MOB3B: variants seen among roughly 807,000 people sequenced by gnomAD.
MOB3B encodes the protein MOB kinase activator 3B.
A neutral mutation model predicts 18.7 loss-of-function variants in MOB3B; 7 were observed. The observed-to-expected ratio is 0.37, with a 90% CI of 0.21 to 0.70. The LOEUF (loss-of-function observed/expected upper bound fraction) is 0.70, where lower values mean the gene tolerates loss of function less well. MOB3B is among the 30% of genes least tolerant of loss of function. The pLI, the probability that MOB3B is intolerant of heterozygous loss-of-function variation, is 0.52. For missense variants in MOB3B, 253 were observed against 281.3 expected (o/e 0.90, Z 0.72); for synonymous variants, 111 against 99.9 (o/e 1.11, Z -0.66).
intron 1 of MOB3B, among the ~76,000 whole-genome samples, chr9:27,485,272 C>G (rs1049843803): frequency 3.9e-5 from 6 of 152,088 alleles, no homozygotes; most frequent in Non-Finnish European, 8.8e-5. Flanking sequence ...AGTAACTTAC[C>G]CAACAACAAC....
chr9:27,443,135 G>A (rs1822620550), intron 2 of MOB3B, among the ~76,000 whole-genome samples: 1 of 152,078 alleles, frequency 6.6e-6, no homozygotes, highest in African/African-American at 2.4e-5. Context: ...TTTCTAATAA[G>A]TTCCCAAGGG....
chr9:27,410,946 A>C (rs769909405), intron 2 of MOB3B, among the ~76,000 whole-genome samples: 1 of 152,160 alleles, frequency 6.6e-6, no homozygotes. Context: ...TTCTTTGAAA[A>C]CATGATTTTT....
At position 27,331,468 on chromosome 9, in the gene MOB3B, C is replaced by CTG. The variant is rs150050415; in HGVS notation, c.622-854_622-853dup. ...ATGCAGTGTATGAATTTGTACATCT[C>CTG]TGTGTGTGTGTGTGTGTACTGGGGC... On this transcript the variant is annotated intron_variant, in intron 3 of 3. Transcript: ENST00000262244. Among the ~76,000 whole-genome samples, 1,346 of 151,676 alleles carry CTG rather than the reference C, an allele frequency of 8.9e-3. 19 individuals carry two copies. The highest frequency in any genetic ancestry group is 0.03 in the African/African-American group (1,256 of 41,332).
intron 2 of MOB3B, among the ~76,000 whole-genome samples, chr9:27,436,062 C>G (rs1792151612): frequency 6.6e-6 from 1 of 152,150 alleles, no homozygotes; most frequent in Non-Finnish European, 1.5e-5. Flanking sequence ...AGCTGTTGTT[C>G]TACCCCGCTA....
chr9:27,522,420 CATATATAT>C lies in MOB3B; in HGVS notation c.-199+7127_-199+7134del, dbSNP rs66472709. Among the ~76,000 whole-genome samples the C allele has an allele frequency of 1.3e-3, 179 of 141,362 alleles. 1 individual carries two copies. The highest frequency in any genetic ancestry group is 3.9e-3 in the African/African-American group (148 of 37,602). The allele number at this position is 141,362 out of a possible 152,430, so 92.7% of individuals were successfully genotyped here. ...TTGCATATATATCAAGACATTTTTTCATATATATATATATATATATATATATGCATATG... is the reference window on the plus strand; with the variant it reads ...TTGCATATATATCAAGACATTTTTTCATATATATATATATATATGCATATG... On this transcript the variant is annotated intron_variant, in intron 1 of 3. Coordinates refer to ENST00000262244, the MANE Select transcript of MOB3B (RefSeq NM_024761.5).
chr9:27,481,237 A>G (rs1013544763), intron 1 of MOB3B, among the ~76,000 whole-genome samples: 1 of 152,208 alleles, frequency 6.6e-6, no homozygotes, highest in East Asian at 1.9e-4. Context: ...AGCACAAAAG[A>G]CTCCAGCAGA....
chr9:27,394,350 A>G (rs1821770861), intron 2 of MOB3B: 1 of 152,216 alleles, frequency 6.6e-6, no homozygotes, highest in Admixed American at 6.5e-5. Flanking sequence ...AAGAGCTAAT[A>G]AAACATGTCA....
rs1400710590 is a variant in MOB3B, at chr9:27,330,576, G to A, written c.*11C>T. The stretch of plus-strand genomic sequence containing the variant: ...ACAGCTTTCCTTTCTTCCAAAGGGT[G>A]AGGTGGAGCATTAGTGACACATCCT... On this transcript the variant is annotated 3_prime_UTR_variant, in exon 4 of 4. Coordinates refer to ENST00000262244, the MANE Select transcript of MOB3B (RefSeq NM_024761.5). 5 of 1,613,818 alleles carry A rather than the reference G, an allele frequency of 3.1e-6. No homozygotes were observed. The African/African-American group carries it at 6.7e-5, about 22-fold the overall frequency.
At chr9:27,395,638 A>G (rs888221234) in intron 2 of MOB3B, among the ~76,000 whole-genome samples, 2 of 152,204 alleles carry the variant, frequency 1.3e-5, no homozygotes, top group Non-Finnish European at 2.9e-5. Context: ...TCAGTGATCT[A>G]GTCAATAACA....
intron 1 of MOB3B, among the ~76,000 whole-genome samples, chr9:27,476,890 GAAAACTT>G (rs1280210332): frequency 6.6e-6 from 1 of 152,204 alleles, no homozygotes; most frequent in Admixed American, 6.5e-5. Context: ...CCTGGGAGAT[GAAAACTT>G]ACCTAAGAGG....
intron 3 of MOB3B, among the ~76,000 whole-genome samples, chr9:27,333,952 A>G (rs1453489237): frequency 6.6e-6 from 1 of 152,108 alleles, no homozygotes; most frequent in Non-Finnish European, 1.5e-5. Context: ...TTTCTTTCTT[A>G]TATCTGGTAA....
chr9:27,399,502 G>A (rs932933798), intron 2 of MOB3B, among the ~76,000 whole-genome samples: 4 of 152,158 alleles, frequency 2.6e-5, no homozygotes, highest in Non-Finnish European at 5.9e-5. Flanking sequence ...CTGGGGAGAA[G>A]GTTAGAGCTC....
intron 2 of MOB3B, among the ~76,000 whole-genome samples, chr9:27,377,500 T>A (rs991547715): frequency 2.6e-5 from 4 of 152,116 alleles, no homozygotes; most frequent in Non-Finnish European, 5.9e-5. Flanking sequence ...TTCTAACACC[T>A]AGACCAGTGT....
intron 1 of MOB3B, among the ~76,000 whole-genome samples, chr9:27,522,242 C>CAAAAAAAAAAAAAAAAAAAAAAAGAAAA (rs1820345066): frequency 1.8e-5 from 1 of 56,046 alleles, no homozygotes; most frequent in Non-Finnish European, 2.9e-5. Flanking sequence ...CCCCGTCTCA[C>CAAAAAAAAAAAAAAAAAAAAAAAGAAAA]AAAAAAAAAA....
intron 3 of MOB3B, among the ~76,000 whole-genome samples, chr9:27,337,446 A>C (rs190532766): frequency 1.6e-4 from 25 of 152,284 alleles, no homozygotes; most frequent in African/African-American, 6.0e-4. Context: ...GTCTATGCCA[A>C]GGTTTCACGG....
At chr9:27,423,400 T>C (rs1471671909) in intron 2 of MOB3B, among the ~76,000 whole-genome samples, 1 of 62,246 alleles carries the variant, frequency 1.6e-5, no homozygotes, top group Non-Finnish European at 3.8e-5. Flanking sequence ...GCAATACTCT[T>C]TTTTTTTTTT....
rs1052961281 is a variant in MOB3B, at chr9:27,529,800, G to C, written c.-444C>G. The C allele has an allele frequency of 1.4e-5, 14 of 985,404 alleles. No individual in the cohort carries two copies. Among genetic ancestry groups the C allele is most frequent in the Non-Finnish European group, 1.7e-5 (14 of 829,924 alleles). 61.0% of individuals were successfully genotyped at this position (985,404 alleles called of 1,614,324 possible). On this transcript the variant is annotated 5_prime_UTR_variant, in exon 1 of 4. Transcript: ENST00000262244. ...CATGCACCCAGCGCGCCGCGCAGCC[G>C]GCCGGGGCTCGACTGTCTCGCGGGG... is the stretch of plus-strand genomic sequence containing the variant.
intron 2 of MOB3B, among the ~76,000 whole-genome samples, chr9:27,399,805 C>G (rs1443798560): frequency 6.6e-6 from 1 of 152,172 alleles, no homozygotes; most frequent in Non-Finnish European, 1.5e-5. Context: ...AATATGTCCC[C>G]AAATGAGATC....
At chr9:27,398,099 T>C (rs1377698673) in intron 2 of MOB3B, among the ~76,000 whole-genome samples, 5 of 152,200 alleles carry the variant, frequency 3.3e-5, no homozygotes, top group African/African-American at 7.2e-5. Flanking sequence ...GTTACCTCAG[T>C]AGAAATTAAA....
Sources: gnomAD v4.1 joint callset for allele counts (sites outside exome capture counted in the v4.1 genomes callset) on GRCh38, gnomAD v4.1.1 for gene constraint, MANE v1.5 for transcripts, NCBI Gene and HGNC (gene_info 2026-07-23, HGNC 2026-07-21) for gene names.